The following RB1 variants were observed in gnomAD, a reference collection of about 807,000 sequenced individuals.
RB1 encodes RB transcriptional corepressor 1.
In RB1, 18 loss-of-function variants were observed where a neutral mutation model predicts 135.4. That is an observed-to-expected ratio of 0.13 (90% CI 0.09 to 0.20). The LOEUF (loss-of-function observed/expected upper bound fraction) is 0.20. RB1 is among the 10% of genes least tolerant of loss of function. The pLI, the probability that RB1 is intolerant of heterozygous loss-of-function variation, is 1.00. For missense variants in RB1, 868 were observed against 1,110.0 expected (o/e 0.78, Z 3.10); for synonymous variants, 365 against 373.2 (o/e 0.98, Z 0.25).
chr13:48,418,674 G>A (rs174858), intron 17 of RB1, among the ~76,000 whole-genome samples: 133,937 of 151,302 alleles, frequency 0.89, 60,722 homozygotes, highest in East Asian at 1. Context: ...CTCTAAATAA[G>A]GGAATGGAGG....
At position 48,369,425 on chromosome 13, in the gene RB1, C is replaced by T. The variant is rs374723944; in HGVS notation, c.1127+821C>T. 1.2e-4 allele frequency among the ~76,000 whole-genome samples: 19 copies of T among 152,314 alleles called. No individual in the cohort carries two copies. The East Asian group carries it at 1.5e-3, about 12-fold the overall frequency. On this transcript the variant is annotated intron_variant, in intron 11 of 26. Transcript: ENST00000267163. The stretch of plus-strand genomic sequence containing the variant: ...TCTCATCATTGTTCCTGTCTCCTCA[C>T]CATCAAAGATATTCTCCATAGAGCC...
intron 2 of RB1, among the ~76,000 whole-genome samples, chr13:48,341,977 G>C (rs1180633997): frequency 2.6e-5 from 4 of 151,796 alleles, no homozygotes; most frequent in Non-Finnish European, 5.9e-5. Flanking sequence ...TAATGAAAAA[G>C]TACTCTAGTG....
chr13:48,465,578 C>G (rs1275856956), intron 23 of RB1, among the ~76,000 whole-genome samples: 1 of 152,106 alleles, frequency 6.6e-6, no homozygotes, highest in Non-Finnish European at 1.5e-5. Context: ...ATAGGAACAG[C>G]TCCGGTCTAC....
chr13:48,337,896 A>G (rs1406341190), intron 2 of RB1, among the ~76,000 whole-genome samples: 1 of 152,170 alleles, frequency 6.6e-6, no homozygotes, highest in Non-Finnish European at 1.5e-5. Context: ...ATGTCTCAGC[A>G]TTTGTTTGCC....
chr13:48,389,179 T>A (rs1261447637), intron 17 of RB1, among the ~76,000 whole-genome samples: 5 of 150,874 alleles, frequency 3.3e-5, no homozygotes, highest in African/African-American at 1.2e-4. Context: ...TAAAATAAAA[T>A]TAAATTAAAT....
chr13:48,400,822 C>T (rs1948685636), intron 17 of RB1, among the ~76,000 whole-genome samples: 1 of 152,088 alleles, frequency 6.6e-6, no homozygotes, highest in Admixed American at 6.6e-5. Context: ...ACCCTTCATT[C>T]CTTTTCCTCT....
At chr13:48,456,097 C>G in intron 18 of RB1, 107 bp from the exon 19 acceptor site, 1 of 1,539,746 alleles carries the variant, frequency 6.5e-7, no homozygotes, top group Non-Finnish European at 8.7e-7. Flanking sequence ...TGCTATAATA[C>G]CAATTAAATA....
chr13:48,417,267 G>A (rs1948927501), intron 17 of RB1: 1 of 153,118 alleles, frequency 6.5e-6, no homozygotes, highest in Non-Finnish European at 1.5e-5. Context: ...ACCTCTGCTG[G>A]TGATATCCAG....
intron 17 of RB1, among the ~76,000 whole-genome samples, chr13:48,426,117 C>G (rs1285481837): frequency 2.0e-5 from 3 of 152,186 alleles, no homozygotes; most frequent in Non-Finnish European, 2.9e-5. Flanking sequence ...TTACCTTGGG[C>G]AAACTCTGCC....
chr13:48,471,918 G>A (rs1273817002), intron 23 of RB1, among the ~76,000 whole-genome samples: 3 of 152,136 alleles, frequency 2.0e-5, no homozygotes, highest in African/African-American at 7.2e-5. Context: ...CCTTGGGCAG[G>A]TCTCTATCTG....
chr13:48,455,251 A>G (rs1949353023), intron 18 of RB1, among the ~76,000 whole-genome samples: 1 of 152,224 alleles, frequency 6.6e-6, no homozygotes, highest in African/African-American at 2.4e-5. Flanking sequence ...CTATTCTTTG[A>G]GATGGGAAAA....
At chr13:48,353,752 A>C (rs1289904241) in intron 6 of RB1, among the ~76,000 whole-genome samples, 1 of 152,186 alleles carries the variant, frequency 6.6e-6, no homozygotes, top group East Asian at 1.9e-4. Context: ...ATTATGTCGC[A>C]GTGGGATTTA....
In RB1 at chr13:48,436,034, G is replaced by A. The variant is rs4151556; in HGVS notation, c.1696-16959G>A. On this transcript the variant is annotated intron_variant, in intron 17 of 26. Coordinates refer to ENST00000267163, the MANE Select transcript of RB1 (RefSeq NM_000321.3). The stretch of plus-strand genomic sequence containing the variant: ...AAATCTATTGTAAATATAAAGACAC[G>A]AATATGTTAAAAGGATGAATGAAAA... Among the ~76,000 whole-genome samples the A allele has an allele frequency of 1.0e-2, 1,516 of 152,164 alleles. 36 individuals are homozygous for A. Among genetic ancestry groups the A allele is most frequent in the African/African-American group, 0.035 (1,438 of 41,518 alleles).
Position 48,315,860 on chromosome 13 carries a change from C to A in RB1, c.264+8454C>A, listed in dbSNP as rs941147410. On this transcript the variant is annotated intron_variant, in intron 2 of 26. Transcript: ENST00000267163. ...GACTTCTTTTATTTTGGGTAGATAC[C>A]CAGTAGTGGGATTGCTGGATCGAAT... Among the ~76,000 whole-genome samples the A allele has an allele frequency of 3.9e-5, 6 of 152,118 alleles. No individual in the cohort carries two copies. The South Asian group carries it at 1.0e-3, about 26-fold the overall frequency.
chr13:48,460,338 A>G (rs1949397117), intron 20 of RB1, among the ~76,000 whole-genome samples: 1 of 152,144 alleles, frequency 6.6e-6, no homozygotes, highest in African/African-American at 2.4e-5. Flanking sequence ...TAGACTTAAT[A>G]TATGTTCACT....
At chr13:48,403,702 C>G (rs1049517584) in intron 17 of RB1, among the ~76,000 whole-genome samples, 26 of 152,246 alleles carry the variant, frequency 1.7e-4, no homozygotes, top group Non-Finnish European at 1.5e-4. Context: ...GGCCCAGTCA[C>G]AAAGTTTCCA....
intron 24 of RB1, 70 bp from the exon 25 acceptor site, chr13:48,476,631 T>C: frequency 1.3e-6 from 2 of 1,524,376 alleles, no homozygotes; most frequent in Admixed American, 3.4e-5. Flanking sequence ...CCTCAAACTA[T>C]AACTTGAGGT....
chr13:48,464,958 C>CTTTTTTTTTTTTTTTTTTTTTTTTTTTT, intron 21 of RB1, 40 bp from the exon 22 acceptor site: 2 of 831,616 alleles, frequency 2.4e-6, no homozygotes, highest in Non-Finnish European at 3.2e-6. Flanking sequence ...GTAAATTTTA[C>CTTTTTTTTTTTTTTTTTTTTTTTTTTTT]TTTTTTTTTT....
intron 11 of RB1, among the ~76,000 whole-genome samples, chr13:48,371,206 A>G (rs1952754773): frequency 1.3e-5 from 2 of 152,212 alleles, no homozygotes; most frequent in South Asian, 4.1e-4. Flanking sequence ...GATGTTAAGC[A>G]GGGGTAAGGA....
Sources: allele counts gnomAD v4.1 joint callset (sites outside exome capture counted in the v4.1 genomes callset), GRCh38; gene constraint gnomAD v4.1.1; transcripts MANE v1.5; gene names NCBI Gene and HGNC (gene_info 2026-07-23, HGNC 2026-07-21).